NEUROD1: variants seen among roughly 807,000 people sequenced by gnomAD.
NEUROD1 encodes neuronal differentiation 1.
A neutral mutation model predicts 21.8 loss-of-function variants in NEUROD1; 9 were observed. The observed-to-expected ratio is 0.41, with a 90% CI of 0.25 to 0.72. The LOEUF (loss-of-function observed/expected upper bound fraction) is 0.72, where lower values mean the gene tolerates loss of function less well. NEUROD1 is among the 30% of genes least tolerant of loss of function. The pLI, the probability that NEUROD1 is intolerant of heterozygous loss-of-function variation, is 0.31. For synonymous variants in NEUROD1, 199 were observed against 186.2 expected, an observed-to-expected ratio of 1.07 and a Z score of -0.56; for missense variants, 434 against 468.8, an observed-to-expected ratio of 0.93 and a Z score of 0.69.
rs750681358 is a variant in NEUROD1, at chr2:181,678,591, C to T, written c.270G>A (p.Lys90=). The T allele has an allele frequency of 4.3e-6, 7 of 1,613,980 alleles. No individual in the cohort carries two copies. The highest frequency in any genetic ancestry group is 5.9e-6 in the Non-Finnish European group (7 of 1,179,998). The change falls in exon 2 of 2, where the codon AAG becomes AAA. Residue 90 remains lysine (K), a synonymous_variant. Coordinates refer to ENST00000295108, the MANE Select transcript of NEUROD1 (RefSeq NM_002500.5). This position sits in a 1 kb window ranked among gnomAD's most constrained non-coding sequence, Gnocchi z 5.5. ...AACGCTCCAGGCGAGCCTTAGTCAT[C>T]TTCTTCTTTTTGGGGCCGCGTCTCT... The part of the protein sequence containing the change: ...KPKRRGPKKK[K]MTKARLERFK...
rs1688631993 is a variant in NEUROD1 at position 181,678,399 on chromosome 2, C to T, written c.462G>A (p.Ser154=). Residue 154 remains serine (S), a synonymous_variant, in exon 2 of 2, where the codon TCG becomes TCA. Transcript: ENST00000295108. This position sits in a 1 kb window ranked among gnomAD's most constrained non-coding sequence, Gnocchi z 5.5. ...GGCTTTTGCCTGAGCGCAGGATCTCCGACAGAGCCCAGATGTAGTTCTTGG... is the reference window on the plus strand; with the variant it reads ...GGCTTTTGCCTGAGCGCAGGATCTCTGACAGAGCCCAGATGTAGTTCTTGG... ...RLAKNYIWAL[S]EILRSGKSPD... is the part of the protein sequence containing the mutation. The T allele has an allele frequency of 2.5e-6, 4 of 1,614,198 alleles. No individual in the cohort carries two copies. In the East Asian group the frequency reaches 8.9e-5, roughly 36 times the overall value.
chr2:181,668,761 G>A (rs370838730), downstream of NEUROD1, among the ~76,000 whole-genome samples: 1 of 152,122 alleles, frequency 6.6e-6, no homozygotes, highest in Non-Finnish European at 1.5e-5. Flanking sequence ...AAAATTAGAT[G>A]GATTAAGACC....
At position 181,678,084 on chromosome 2, in the gene NEUROD1, G is replaced by A. The variant is rs115027760; in HGVS notation, c.777C>T (p.Ser259=). The change falls in exon 2 of 2, where the codon AGC becomes AGT. Residue 259 remains serine, a synonymous_variant. Transcript: ENST00000295108. The surrounding 1 kb of genome is among the most constrained non-coding windows in gnomAD (Gnocchi z 5.5). ...YSAALEPFFE[S]PLTDCTSPSF... is the part of the protein sequence containing the mutation. The stretch of plus-strand genomic sequence containing the variant: ...AAGGGCTGGTGCAATCAGTCAGAGG[G>A]CTTTCAAAGAAGGGCTCCAGCGCTG... 1,131 of 1,614,212 alleles carry A rather than the reference G, an allele frequency of 7.0e-4. 1 individual carries two copies. The highest frequency in any genetic ancestry group is 9.3e-4 in the Non-Finnish European group (1,098 of 1,180,046).
Position 181,678,207 on chromosome 2 carries a change from G to C in NEUROD1, c.654C>G (p.Pro218=). The C allele has an allele frequency of 6.2e-7, 1 of 1,614,200 alleles. No homozygotes were observed. Among genetic ancestry groups the C allele is most frequent in the Non-Finnish European group, 8.5e-7 (1 of 1,180,038 alleles). Residue 218 remains proline (P), a synonymous_variant, in exon 2 of 2, where the codon CCC becomes CCG. Transcript: ENST00000295108. This position sits in a 1 kb window ranked among gnomAD's most constrained non-coding sequence, Gnocchi z 5.5. The part of the protein sequence containing the change: ...PTASASFPVH[P]YSYQSPGLPS... The stretch of plus-strand genomic sequence containing the variant: ...GCAGCCCAGGCGACTGGTAGGAGTA[G>C]GGGTGTACAGGGAAGGAAGCGCTGG...
chr2:181,670,142 A>T (rs1249029983), downstream of NEUROD1, among the ~76,000 whole-genome samples: 4 of 152,182 alleles, frequency 2.6e-5, no homozygotes, highest in Admixed American at 2.6e-4. Flanking sequence ...CTAATCCACA[A>T]ATCAAATAAA....
chr2:181,678,148 T>C lies in NEUROD1; in HGVS notation c.713A>G (p.His238Arg). The C allele has an allele frequency of 6.2e-7, 1 of 1,614,152 alleles. No homozygotes were observed. Among genetic ancestry groups the C allele is most frequent in the Non-Finnish European group, 8.5e-7 (1 of 1,180,040 alleles). Reference protein sequence around the residue: ...SPPYGTMDSSHVFHVKPPPHA... With the variant: ...SPPYGTMDSSRVFHVKPPPHA... Reference sequence around the variant, plus strand: ...CGGCGGAGGCTTAACGTGGAAGACATGGGAGCTGTCCATGGTACCGTAAGG... The same window carrying C: ...CGGCGGAGGCTTAACGTGGAAGACACGGGAGCTGTCCATGGTACCGTAAGG... The change falls in exon 2 of 2, where the codon CAT becomes CGT. Residue 238 changes from histidine to arginine, a missense_variant. His to Arg is a conservative substitution (Grantham distance 29, BLOSUM62 0). Coordinates refer to ENST00000295108, the MANE Select transcript of NEUROD1 (RefSeq NM_002500.5). The surrounding 1 kb of genome is among the most constrained non-coding windows in gnomAD (Gnocchi z 5.5).
At chr2:181,673,412 G>A (rs985961651), downstream of NEUROD1, 5 of 152,238 alleles carry the variant, frequency 3.3e-5, no homozygotes, top group Admixed American at 2.0e-4. Context: ...GCCTGGCCAG[G>A]AGCCAATGAT....
chr2:181,677,888 G>T lies in NEUROD1; in HGVS notation c.973C>A (p.Arg325Ser), dbSNP rs368727469. ...GSIFSGTAAP[R>S]CEIPIDNIMS... ...ATATTGTCTATGGGGATCTCGCAGC[G>T]AGGGGCAGCGGTGCCTGAGAAGATT... The change falls in exon 2 of 2, where the codon CGC (arginine) becomes AGC (serine). Residue 325 changes from arginine (R) to serine (S), a missense_variant. Transcript: ENST00000295108. 211 of 1,614,082 alleles carry T rather than the reference G, an allele frequency of 1.3e-4. No individual in the cohort carries two copies. In the South Asian group the frequency reaches 1.4e-3, roughly 11 times the overall value.
chr2:181,678,440 C>T lies in NEUROD1; in HGVS notation c.421G>A (p.Glu141Lys), dbSNP rs768978253. 18 of 1,614,086 alleles carry T rather than the reference C, an allele frequency of 1.1e-5. No individual in the cohort carries two copies. The highest frequency in any genetic ancestry group is 1.4e-5 in the Non-Finnish European group (17 of 1,180,048). ...TAGTTCTTGGCCAAGCGCAGAGTCT[C>T]GATTTTGGACAGCTTCTGCGTCTTA... ...YSKTQKLSKI[E>K]TLRLAKNYIW... The change falls in exon 2 of 2, where the codon GAG becomes AAG. Residue 141 changes from glutamate to lysine, a missense_variant. Physicochemically the swap from Glu to Lys is moderately conservative, Grantham distance 56. Transcript: ENST00000295108. This position sits in a 1 kb window ranked among gnomAD's most constrained non-coding sequence, Gnocchi z 5.5.
chr2:181,678,408 C>A lies in NEUROD1; in HGVS notation c.453G>T (p.Trp151Cys), dbSNP rs969034831. 6.2e-7 allele frequency: 1 copy of A among 1,614,196 alleles called. No homozygotes were observed. Among genetic ancestry groups the A allele is most frequent in the South Asian group, 1.1e-5 (1 of 91,086 alleles). The change falls in exon 2 of 2, where the codon TGG becomes TGT. Residue 151 changes from tryptophan to cysteine, a missense_variant. Transcript: ENST00000295108. This position sits in a 1 kb window ranked among gnomAD's most constrained non-coding sequence, Gnocchi z 5.5. ...ETLRLAKNYIWALSEILRSGK... is the reference protein window; with the variant it reads ...ETLRLAKNYICALSEILRSGK... ...CTGAGCGCAGGATCTCCGACAGAGC[C>A]CAGATGTAGTTCTTGGCCAAGCGCA...
rs1688618376 is a variant in NEUROD1 at position 181,678,071 on chromosome 2, A to G, written c.790T>C (p.Cys264Arg). ...GGTCCATCAAAGGAAGGGCTGGTGC[A>G]ATCAGTCAGAGGGCTTTCAAAGAAG... ...EPFFESPLTD[C>R]TSPSFDGPLS... The change falls in exon 2 of 2, where the codon TGC becomes CGC. Residue 264 changes from cysteine (C) to arginine (R), a missense_variant. Transcript: ENST00000295108. The surrounding 1 kb of genome is among the most constrained non-coding windows in gnomAD (Gnocchi z 5.5). 4 of 1,614,186 alleles carry G rather than the reference A, an allele frequency of 2.5e-6. No homozygotes were observed. The African/African-American group carries it at 4.0e-5, about 16-fold the overall frequency.
chr2:181,674,129 C>T (rs557072093), downstream of NEUROD1, among the ~76,000 whole-genome samples: 1 of 152,178 alleles, frequency 6.6e-6, no homozygotes, highest in South Asian at 2.1e-4. Flanking sequence ...ATATTTAGCC[C>T]AATTTCATCT....
downstream of NEUROD1, among the ~76,000 whole-genome samples, chr2:181,669,274 G>C (rs142752793): frequency 6.6e-6 from 1 of 152,146 alleles, no homozygotes; most frequent in South Asian, 2.1e-4. Flanking sequence ...ACTTAGAGGC[G>C]TAGGGATGGC....
At position 181,678,948 on chromosome 2, in the gene NEUROD1, C is replaced by T. The variant is rs1174996736; in HGVS notation, c.-11-77G>A. 1.3e-6 allele frequency: 2 copies of T among 1,540,470 alleles called. No individual in the cohort carries two copies. Among genetic ancestry groups the T allele is most frequent in the African/African-American group, 2.7e-5 (2 of 73,500 alleles). On this transcript the variant is annotated intron_variant, in intron 1 of 1. Coordinates refer to ENST00000295108, the MANE Select transcript of NEUROD1 (RefSeq NM_002500.5). The surrounding 1 kb of genome is among the most constrained non-coding windows in gnomAD (Gnocchi z 5.5). ...ATTCAAAAGCCAGATACGCCTTCAG[C>T]TTCCACTCCCTAAACCTGTACAAAT...
Position 181,678,404 on chromosome 2 carries a change from G to A in NEUROD1, c.457C>T (p.Leu153=), listed in dbSNP as rs1688632171. ...TTGCCTGAGCGCAGGATCTCCGACA[G>A]AGCCCAGATGTAGTTCTTGGCCAAG... ...LRLAKNYIWA[L]SEILRSGKSP... The change falls in exon 2 of 2, where the codon CTG becomes TTG. Residue 153 remains leucine (L), a synonymous_variant. Coordinates refer to ENST00000295108, the MANE Select transcript of NEUROD1 (RefSeq NM_002500.5). This position sits in a 1 kb window ranked among gnomAD's most constrained non-coding sequence, Gnocchi z 5.5. 6.2e-7 allele frequency: 1 copy of A among 1,614,242 alleles called. No individual in the cohort carries two copies. The highest frequency in any genetic ancestry group is 8.5e-7 in the Non-Finnish European group (1 of 1,180,052).
downstream of NEUROD1, among the ~76,000 whole-genome samples, chr2:181,670,342 A>G (rs1464143758): frequency 2.6e-5 from 4 of 152,232 alleles, no homozygotes; most frequent in African/African-American, 9.6e-5. Context: ...TATAATTCAG[A>G]TGTTTATTAA....
chr2:181,677,735 A>G lies in NEUROD1; in HGVS notation c.*55T>C, dbSNP rs1171858519. 3.7e-6 allele frequency: 6 copies of G among 1,613,266 alleles called. No homozygotes were observed. The highest frequency in any genetic ancestry group is 5.1e-6 in the Non-Finnish European group (6 of 1,180,032). On this transcript the variant is annotated 3_prime_UTR_variant, in exon 2 of 2. Transcript: ENST00000295108. ...AAGGGCTGCCTTTTGTAAACACGAC[A>G]GTCACTGTAAGCACAGTGGGTTCGT... is the stretch of plus-strand genomic sequence containing the variant.
At position 181,678,879 on chromosome 2, in the gene NEUROD1, C is replaced by T. The variant is rs986592210; in HGVS notation, c.-11-8G>A. On this transcript the variant is annotated splice_region_variant and splice_polypyrimidine_tract_variant and intron_variant, in intron 1 of 1. Coordinates refer to ENST00000295108, the MANE Select transcript of NEUROD1 (RefSeq NM_002500.5). The surrounding 1 kb of genome is among the most constrained non-coding windows in gnomAD (Gnocchi z 5.5). ...TGGTCATGTTTCGATTTCCTACATT[C>T]AACAAGGGAGAGGCAAACAGAAAGA... 3.1e-6 allele frequency: 5 copies of T among 1,612,946 alleles called. No homozygotes were observed. In the Admixed American group the frequency reaches 5.0e-5, roughly 16 times the overall value.
intron 1 of NEUROD1, among the ~76,000 whole-genome samples, chr2:181,679,639 A>G (rs1688662073): frequency 6.6e-6 from 1 of 152,230 alleles, no homozygotes. Flanking sequence ...CGCGCCGGGG[A>G]TCAGGTGCGG....
Sources: gnomAD v4.1 joint callset for allele counts (sites outside exome capture counted in the v4.1 genomes callset) on GRCh38, gnomAD v4.1.1 for gene constraint, Gnocchi (gnomAD v3.1) non-coding constraint, MANE v1.5 for transcripts, NCBI Gene and HGNC (gene_info 2026-07-23, HGNC 2026-07-21) for gene names.